Variants in ACLY observed in about 807,000 individuals in gnomAD.
ACLY encodes ATP citrate lyase, also known as ATP-citrate synthase.
In ACLY, 41 loss-of-function variants were observed where a neutral mutation model predicts 133.0. The observed-to-expected ratio is 0.31, with a 90% CI of 0.24 to 0.40. ACLY has a LOEUF of 0.40. Ranked by LOEUF, ACLY falls within the 10% of genes least tolerant of loss-of-function variation. The pLI, the probability that ACLY is intolerant of heterozygous loss-of-function variation, is 1.00. For missense variants in ACLY, 1,046 were observed against 1,453.8 expected, an observed-to-expected ratio of 0.72 and a Z score of 4.56; for synonymous variants, 495 against 549.3, an observed-to-expected ratio of 0.90 and a Z score of 1.38.
At chr17:41,918,817 C>G (rs2050125649) in intron 1 of ACLY, 63 bp downstream of exon 1, 3 of 1,266,618 alleles carry the variant, frequency 2.4e-6, no homozygotes, top group East Asian at 1.3e-4. Flanking sequence ...GGTTGGGGGA[C>G]GGAGGCAGGA....
At chr17:41,893,918 A>G (rs1031581582) in intron 14 of ACLY, among the ~76,000 whole-genome samples, 1 of 152,212 alleles carries the variant, frequency 6.6e-6, no homozygotes, top group African/African-American at 2.4e-5. Flanking sequence ...TGGGCACTTA[A>G]GAGGTAAGGC....
rs147986968 is a variant in ACLY, at chr17:41,898,807, A to G, written c.1184-22T>C. 2,442 of 1,607,470 alleles carry G rather than the reference A, an allele frequency of 1.5e-3. 28 individuals carry two copies. The highest frequency in any genetic ancestry group is 0.013 in the African/African-American group (942 of 74,790). ...TTCCCTGCAAGGGAAGGAAAAAAAA[A>G]TCCATAATTCAAGTCTGCAGATAAG... On this transcript the variant is annotated intron_variant, in intron 11 of 28. Coordinates refer to ENST00000352035, the MANE Select transcript of ACLY (RefSeq NM_001096.3).
Position 41,907,582 on chromosome 17 carries a change from G to A in ACLY, c.617-10C>T. On this transcript the variant is annotated splice_polypyrimidine_tract_variant and intron_variant, in intron 6 of 28. Transcript: ENST00000352035. The stretch of plus-strand genomic sequence containing the variant: ...CCATCTTTGGTCACTACTTCAAGGG[G>A]AGCAGAGGCAATCATCAGACACCGG... 1 of 1,611,574 alleles carries A rather than the reference G, an allele frequency of 6.2e-7. No homozygotes were observed.
Position 41,901,683 on chromosome 17 carries a change from G to A in ACLY, c.1183+13C>T, listed in dbSNP as rs781862994. ...ACTCAGGGTGAGGGGGAGAGAAAAG[G>A]TCCTCATCTTACCGACTTCTCCCAT... On this transcript the variant is annotated intron_variant, in intron 11 of 28. Transcript: ENST00000352035. The A allele has an allele frequency of 6.2e-7, 1 of 1,606,572 alleles. No individual in the cohort carries two copies. The highest frequency in any genetic ancestry group is 1.3e-5 in the African/African-American group (1 of 74,676).
chr17:41,879,716 CTTTCTTTCTTTTTTT>C (rs2048864799), intron 20 of ACLY, among the ~76,000 whole-genome samples: 1 of 104,826 alleles, frequency 9.5e-6, no homozygotes, highest in South Asian at 3.8e-4. Flanking sequence ...TGTGTCTTTT[CTTTCTTTCTTTTTTT>C]TTTCGAGACA....
intron 18 of ACLY, among the ~76,000 whole-genome samples, chr17:41,885,612 G>A (rs529731193): frequency 2.0e-5 from 3 of 152,128 alleles, no homozygotes; most frequent in Non-Finnish European, 4.4e-5. Flanking sequence ...CCTGCTGAAC[G>A]CAGGCCCTGG....
intron 4 of ACLY, 73 bp from the exon 5 acceptor site, chr17:41,909,773 G>A (rs2049842400): frequency 1.4e-6 from 2 of 1,393,202 alleles, no homozygotes; most frequent in Non-Finnish European, 2.0e-6. Context: ...CTGAACTGGG[G>A]AAGATGGTCT....
chr17:41,897,890 A>C, intron 12 of ACLY, 51 bp from the exon 13 acceptor site: 1 of 1,533,728 alleles, frequency 6.5e-7, no homozygotes, highest in Non-Finnish European at 8.9e-7. Flanking sequence ...CACCTGGGAA[A>C]AAAGCCACTG....
intron 10 of ACLY, among the ~76,000 whole-genome samples, chr17:41,902,670 A>G (rs1165301682): frequency 5.3e-5 from 8 of 152,248 alleles, no homozygotes; most frequent in African/African-American, 1.9e-4. Flanking sequence ...TTCCATGTAC[A>G]GTACCTGCTC....
At chr17:41,900,177 G>A (rs1376278426) in intron 11 of ACLY, among the ~76,000 whole-genome samples, 2 of 148,686 alleles carry the variant, frequency 1.3e-5, no homozygotes, top group Non-Finnish European at 3.0e-5. Context: ...TGGCTAACAC[G>A]GTGAAACCCC....
In ACLY at chr17:41,872,177, G is replaced by C; in HGVS notation, c.2648C>G (p.Pro883Arg). 6.2e-7 allele frequency: 1 copy of C among 1,613,234 alleles called. No individual in the cohort carries two copies. The highest frequency in any genetic ancestry group is 8.5e-7 in the Non-Finnish European group (1 of 1,179,938). Residue 883 changes from proline to arginine, a missense_variant, in exon 24 of 29, where the codon CCT becomes CGT. Physicochemically the swap from Pro to Arg is moderately radical, Grantham distance 103. Transcript: ENST00000352035. ...CTCAATGAACTGGCAAGAGTACTTAGGCAACCTGGAGTGGGGGGAACAAAG... is the reference window on the plus strand; with the variant it reads ...CTCAATGAACTGGCAAGAGTACTTACGCAACCTGGAGTGGGGGGAACAAAG... ...LGLLWFQKRL[P>R]KYSCQFIEMC...
chr17:41,879,817 C>G (rs868931049), intron 20 of ACLY, among the ~76,000 whole-genome samples: 1 of 151,400 alleles, frequency 6.6e-6, no homozygotes, highest in African/African-American at 2.4e-5. Context: ...CTCCCAGGCT[C>G]GGGTGATTCT....
chr17:41,877,924 ATACT>A (rs1308372610), intron 22 of ACLY, among the ~76,000 whole-genome samples, 175 bp downstream of exon 22: 4 of 152,076 alleles, frequency 2.6e-5, no homozygotes, highest in Non-Finnish European at 4.4e-5. Flanking sequence ...ATGTAAGTTA[ATACT>A]TAATAAACTC....
At position 41,883,231 on chromosome 17, in the gene ACLY, A is replaced by G. The variant is rs201502123; in HGVS notation, c.2156T>C (p.Ile719Thr). 1.7e-5 allele frequency: 28 copies of G among 1,613,278 alleles called. No homozygotes were observed. The Admixed American group carries it at 1.8e-4, about 11-fold the overall frequency. The change falls in exon 20 of 29, where the codon ATT becomes ACT. Residue 719 changes from isoleucine (I) to threonine (T), a missense_variant and splice_region_variant. Around this residue, in one of 4 missense-constraint regions of ACLY, gnomAD observed 575 missense variants for 804.2 expected, o/e 0.71. Transcript: ENST00000352035. Reference protein sequence around the residue: ...GVKMIVVLGEIGGTEEYKICR... With the variant: ...GVKMIVVLGETGGTEEYKICR... The stretch of plus-strand genomic sequence containing the variant: ...AATCTTATATTCCTCAGTGCCCCCA[A>G]TCTGCCAAGGAATGGGGAATGAGAA...
chr17:41,900,188 G>A (rs746163783), intron 11 of ACLY, among the ~76,000 whole-genome samples: 7 of 148,718 alleles, frequency 4.7e-5, no homozygotes, highest in Admixed American at 2.7e-4. Context: ...GTGAAACCCC[G>A]TCTCTACTAA....
intron 10 of ACLY, among the ~76,000 whole-genome samples, chr17:41,903,585 T>C (rs564586275): frequency 6.6e-6 from 1 of 151,500 alleles, no homozygotes; most frequent in East Asian, 1.9e-4. Flanking sequence ...AAACCCCGTC[T>C]CTACTAAAAA....
intron 20 of ACLY, among the ~76,000 whole-genome samples, chr17:41,879,727 T>TC (rs1354351634): frequency 6.8e-6 from 1 of 148,092 alleles, no homozygotes; most frequent in Non-Finnish European, 1.5e-5. Flanking sequence ...TTTCTTTCTT[T>TC]TTTTTTTCGA....
chr17:41,879,611 C>A (rs2048853786), intron 20 of ACLY, among the ~76,000 whole-genome samples: 1 of 109,300 alleles, frequency 9.1e-6, no homozygotes, highest in Admixed American at 1.3e-4. Context: ...TGCGCCACTG[C>A]ACTCCAGCCA....
At chr17:41,917,840 G>C (rs2050092372) in intron 1 of ACLY, among the ~76,000 whole-genome samples, 1 of 152,058 alleles carries the variant, frequency 6.6e-6, no homozygotes, top group Non-Finnish European at 1.5e-5. Context: ...TTTCTAAGAG[G>C]TGAAAATCAC....
Sources: gnomAD v4.1 joint callset for allele counts (sites outside exome capture counted in the v4.1 genomes callset) on GRCh38, gnomAD v4.1.1 for gene constraint, gnomAD v4.1.1 regional missense constraint, MANE v1.5 for transcripts, NCBI Gene and HGNC (gene_info 2026-07-23, HGNC 2026-07-21) for gene names.